The following DAB1 variants were observed in gnomAD, a reference collection of about 807,000 sequenced individuals.
DAB1 encodes the protein disabled homolog 1.
Under a neutral mutation model 64.6 loss-of-function variants are expected in DAB1, and 15 were observed. The ratio of observed to expected loss-of-function variants is 0.23; its 90% CI spans 0.16 to 0.36. DAB1 has a LOEUF of 0.36. Among genes scored for constraint, DAB1 ranks in the 10% least tolerant of loss-of-function variants. The pLI is 1.00. For missense variants in DAB1, 596 were observed against 706.7 expected, an observed-to-expected ratio of 0.84 and a Z score of 1.78; for synonymous variants, 235 against 251.9, an observed-to-expected ratio of 0.93 and a Z score of 0.64.
chr1:57,528,678 G>A (rs934106500), intron 7 of DAB1, among the ~76,000 whole-genome samples: 56 of 111,436 alleles, frequency 5.0e-4, no homozygotes, highest in Admixed American at 2.0e-3. Context: ...ACACACACAC[G>A]GACACACAAC....
At chr1:57,608,884 C>T (rs567787924) in intron 7 of DAB1, among the ~76,000 whole-genome samples, 73 of 152,320 alleles carry the variant, frequency 4.8e-4, no homozygotes, top group African/African-American at 1.7e-3. Context: ...GTTTCCTTAT[C>T]TGTCAAATAG....
intron 6 of DAB1, among the ~76,000 whole-genome samples, chr1:57,657,249 C>T (rs1646329663): frequency 6.6e-6 from 1 of 152,190 alleles, no homozygotes; most frequent in Non-Finnish European, 1.5e-5. Context: ...ATTAGGGTTA[C>T]CTCATCTGCA....
intron 4 of DAB1, among the ~76,000 whole-genome samples, chr1:58,340,099 G>A (rs913284050): frequency 1.3e-5 from 2 of 152,048 alleles, no homozygotes; most frequent in Non-Finnish European, 1.5e-5. Context: ...AGAGCTAATC[G>A]GCAAAAGAAA....
Position 57,143,539 on chromosome 1 carries a change from C to A in DAB1, c.207+1751G>T, listed in dbSNP as rs552002124. 2.6e-5 allele frequency among the ~76,000 whole-genome samples: 4 copies of A among 151,898 alleles called. No individual in the cohort carries two copies. In the East Asian group the frequency reaches 5.8e-4, roughly 22 times the overall value. ...TTTCTAGTATACTTTATAGTAAATA[C>A]GTAACTATTAAAGTTTGTTTATATA... On this transcript the variant is annotated intron_variant, in intron 3 of 14. Transcript: ENST00000371236.
At chr1:58,025,508 CTT>C (rs980710956) in intron 5 of DAB1, among the ~76,000 whole-genome samples, 9 of 150,758 alleles carry the variant, frequency 6.0e-5, no homozygotes, top group African/African-American at 2.2e-4. Flanking sequence ...GTTTCTTTCT[CTT>C]GTCTCCTATT....
At chr1:58,542,403 TAATCTAGTTGGGGAGACAAAACTG>T (rs1457833677) in intron 1 of DAB1, 1 of 152,256 alleles carries the variant, frequency 6.6e-6, no homozygotes, top group Non-Finnish European at 1.5e-5. Context: ...ATGGAGGTTA[TAATCTAGTTGGGGAGACAAAACTG>T]AACCTAAGTA....
chr1:57,329,604 T>G (rs1280222089), intron 1 of DAB1, among the ~76,000 whole-genome samples: 1 of 148,354 alleles, frequency 6.7e-6, no homozygotes, highest in Non-Finnish European at 1.5e-5. Flanking sequence ...AGGCTATTGA[T>G]GCATCATGTT....
intron 7 of DAB1, among the ~76,000 whole-genome samples, chr1:57,531,361 C>T (rs1293508361): frequency 6.6e-6 from 1 of 152,080 alleles, no homozygotes; most frequent in Non-Finnish European, 1.5e-5. Context: ...TAAAACTGCC[C>T]CACCCCTATC....
At position 57,344,122 on chromosome 1, in the gene DAB1, T is replaced by C. The variant is rs140038435; in HGVS notation, c.-136-52956A>G. On this transcript the variant is annotated intron_variant, in intron 1 of 14. Coordinates refer to ENST00000371236, the MANE Select transcript of DAB1 (RefSeq NM_001365792.1). The stretch of plus-strand genomic sequence containing the variant: ...GCAAACTGAGGCTCAAGAAAGATAA[T>C]TAACCGGTCCCCACCCACATAACCA... Among the ~76,000 whole-genome samples the C allele has an allele frequency of 1.1e-3, 168 of 152,344 alleles. 6 individuals carry two copies. The East Asian group carries it at 0.03, about 27-fold the overall frequency.
chr1:57,402,039 T>C (rs1437020302), intron 1 of DAB1, among the ~76,000 whole-genome samples: 1 of 152,160 alleles, frequency 6.6e-6, no homozygotes, highest in Non-Finnish European at 1.5e-5. Context: ...TGATGATATA[T>C]TAGCAGTCTT....
intron 7 of DAB1, among the ~76,000 whole-genome samples, chr1:57,462,144 T>G (rs909582550): frequency 1.3e-5 from 2 of 151,938 alleles, no homozygotes; most frequent in African/African-American, 4.8e-5. Flanking sequence ...AGACAGGGTT[T>G]CACCATGCTG....
chr1:57,878,722 T>G (rs1644093940), intron 1 of DAB1: 1 of 152,184 alleles, frequency 6.6e-6, no homozygotes, highest in African/African-American at 2.4e-5. Context: ...AATTATGCAA[T>G]AAAATATTAT....
intron 7 of DAB1, among the ~76,000 whole-genome samples, chr1:57,526,103 A>G (rs989151202): frequency 6.6e-6 from 1 of 151,888 alleles, no homozygotes; most frequent in African/African-American, 2.4e-5. Flanking sequence ...ACACCCAGCT[A>G]ATTTTTGTAT....
chr1:57,751,623 A>C (rs971218262), intron 6 of DAB1, among the ~76,000 whole-genome samples: 5 of 152,218 alleles, frequency 3.3e-5, no homozygotes, highest in Admixed American at 3.3e-4. Flanking sequence ...AGGACAGAGA[A>C]AAAGGAGAAG....
chr1:57,103,250 G>A (rs11206973), intron 4 of DAB1, among the ~76,000 whole-genome samples: 27,536 of 151,970 alleles, frequency 0.18, 3,124 homozygotes, highest in East Asian at 0.56. Context: ...ACTCTGGTGA[G>A]GGGGCAGACA....
chr1:57,599,136 G>A (rs917137392), intron 7 of DAB1, among the ~76,000 whole-genome samples: 1 of 149,666 alleles, frequency 6.7e-6, no homozygotes, highest in Non-Finnish European at 1.5e-5. Flanking sequence ...GCATTTTAAA[G>A]CCTTCATTAT....
intron 5 of DAB1, among the ~76,000 whole-genome samples, chr1:57,976,897 C>T (rs1424438291): frequency 6.6e-6 from 1 of 152,170 alleles, no homozygotes; most frequent in Non-Finnish European, 1.5e-5. Flanking sequence ...CTCTCCATTA[C>T]CACTGCCACT....
chr1:57,712,753 C>T (rs941092656), intron 6 of DAB1, among the ~76,000 whole-genome samples: 1 of 152,134 alleles, frequency 6.6e-6, no homozygotes, highest in Non-Finnish European at 1.5e-5. Context: ...TAACCCAGAA[C>T]ATTCATTTTA....
chr1:57,073,707 C>G (rs75291971), intron 4 of DAB1, among the ~76,000 whole-genome samples: 1,659 of 152,018 alleles, frequency 0.011, 36 homozygotes, highest in African/African-American at 0.038. Flanking sequence ...AGGTATGTAC[C>G]AGATCAATGG....
Sources: allele counts gnomAD v4.1 joint callset (sites outside exome capture counted in the v4.1 genomes callset), GRCh38; gene constraint gnomAD v4.1.1; transcripts MANE v1.5; gene names NCBI Gene and HGNC (gene_info 2026-07-23, HGNC 2026-07-21).